Variants in CHCHD3 observed in about 807,000 individuals in gnomAD.
CHCHD3 encodes the protein coiled-coil-helix-coiled-coil-helix domain containing 3.
A neutral mutation model predicts 38.2 loss-of-function variants in CHCHD3; 20 were observed. The ratio of observed to expected loss-of-function variants is 0.52; its 90% CI spans 0.37 to 0.76. The LOEUF is 0.76. Ranked by LOEUF, CHCHD3 falls within the 30% of genes least tolerant of loss-of-function variation. CHCHD3 has a pLI of 0.00. For missense variants in CHCHD3, 245 were observed against 279.2 expected, an observed-to-expected ratio of 0.88 and a Z score of 0.87; for synonymous variants, 82 against 100.0, an observed-to-expected ratio of 0.82 and a Z score of 1.07.
In CHCHD3 at chr7:132,928,743, G is replaced by A. The variant is rs1205544099; in HGVS notation, c.370-42998C>T. Among the ~76,000 whole-genome samples the A allele has an allele frequency of 3.9e-5, 6 of 151,964 alleles. No individual in the cohort carries two copies. The South Asian group carries it at 6.2e-4, about 16-fold the overall frequency. On this transcript the variant is annotated intron_variant, in intron 4 of 7. Transcript: ENST00000262570. ...AATAGACTCAGCATTAACGTAGAAG[G>A]ATACAAAATATCAATAAATCCCTTA...
At chr7:133,029,717 C>T (rs1408379017) in intron 2 of CHCHD3, among the ~76,000 whole-genome samples, 1 of 152,090 alleles carries the variant, frequency 6.6e-6, no homozygotes, top group African/African-American at 2.4e-5. Flanking sequence ...AAAATGCAGA[C>T]TGGAGGCTTG....
intron 3 of CHCHD3, among the ~76,000 whole-genome samples, chr7:132,990,643 C>T (rs184680642): frequency 6.6e-6 from 1 of 152,272 alleles, no homozygotes; most frequent in African/African-American, 2.4e-5. Context: ...ACAAAACATA[C>T]ATCATTTACA....
intron 4 of CHCHD3, among the ~76,000 whole-genome samples, chr7:132,916,108 T>C (rs1810099402): frequency 6.6e-6 from 1 of 152,184 alleles, no homozygotes; most frequent in Non-Finnish European, 1.5e-5. Context: ...TCTGTTTTTC[T>C]AATTATTTCC....
intron 5 of CHCHD3, among the ~76,000 whole-genome samples, chr7:132,840,981 G>C (rs563240507): frequency 2.6e-4 from 39 of 152,072 alleles, no homozygotes; most frequent in African/African-American, 8.7e-4. Flanking sequence ...TTAGCACATA[G>C]TTCTCAAATT....
intron 5 of CHCHD3, among the ~76,000 whole-genome samples, chr7:132,841,936 A>C (rs896686383): frequency 6.6e-6 from 1 of 151,840 alleles, no homozygotes; most frequent in African/African-American, 2.4e-5. Flanking sequence ...TCTCTACTAA[A>C]AATACAAAAA....
At chr7:133,000,207 GT>G (rs1270092889) in intron 3 of CHCHD3, among the ~76,000 whole-genome samples, 2 of 152,200 alleles carry the variant, frequency 1.3e-5, no homozygotes, top group Non-Finnish European at 2.9e-5. Context: ...AATTTCTTCT[GT>G]TAAACCATTT....
chr7:132,883,287 T>C (rs1809117924), intron 5 of CHCHD3, among the ~76,000 whole-genome samples: 1 of 152,240 alleles, frequency 6.6e-6, no homozygotes, highest in Admixed American at 6.5e-5. Context: ...TACTCTGTGC[T>C]ACATACTATT....
At chr7:132,858,362 AC>A (rs1808397136) in intron 5 of CHCHD3, among the ~76,000 whole-genome samples, 2 of 152,018 alleles carry the variant, frequency 1.3e-5, no homozygotes, top group Admixed American at 1.3e-4. Flanking sequence ...TGGCATCTTC[AC>A]TTTTTTCCTC....
chr7:132,848,502 C>G (rs1448198612), intron 5 of CHCHD3, among the ~76,000 whole-genome samples: 1 of 152,158 alleles, frequency 6.6e-6, no homozygotes, highest in Non-Finnish European at 1.5e-5. Flanking sequence ...AGAAGGAGTT[C>G]ATGACTTGTC....
intron 4 of CHCHD3, among the ~76,000 whole-genome samples, chr7:132,894,674 C>T (rs935540204): frequency 6.6e-6 from 1 of 152,190 alleles, no homozygotes; most frequent in African/African-American, 2.4e-5. Context: ...CAAGGAAACA[C>T]TCAGTACACA....
chr7:132,945,341 G>C (rs575504283), intron 4 of CHCHD3, among the ~76,000 whole-genome samples: 222 of 151,932 alleles, frequency 1.5e-3, no homozygotes, highest in African/African-American at 5.1e-3. Context: ...AGTAAGGCAT[G>C]GTATTCCAGA....
intron 1 of CHCHD3, among the ~76,000 whole-genome samples, chr7:133,072,826 A>AC (rs933458361): frequency 1.7e-4 from 5 of 29,704 alleles, no homozygotes; most frequent in African/African-American, 4.0e-4. Flanking sequence ...ACTCCGTCTC[A>AC]AAAAAAAAAA....
intron 5 of CHCHD3, among the ~76,000 whole-genome samples, chr7:132,879,607 C>T (rs996678985): frequency 1.3e-5 from 2 of 151,314 alleles, no homozygotes; most frequent in Non-Finnish European, 2.9e-5. Flanking sequence ...TCCTACCCCT[C>T]GCTTCCCTCC....
intron 2 of CHCHD3, among the ~76,000 whole-genome samples, chr7:133,051,478 T>C (rs1814160952): frequency 6.6e-6 from 1 of 152,178 alleles, no homozygotes; most frequent in African/African-American, 2.4e-5. Context: ...GCCAACAGCA[T>C]TTTTCTACTA....
intron 6 of CHCHD3, chr7:132,815,337 CA>C (rs1360344743): frequency 1.1e-5 from 3 of 264,686 alleles, no homozygotes; most frequent in African/African-American, 6.9e-5. Flanking sequence ...AAAAATGTAC[CA>C]AAGGTTAATA....
At position 132,790,666 on chromosome 7, in the gene CHCHD3, T is replaced by A. The variant is rs893649374; in HGVS notation, c.661-5006A>T. 5.9e-5 allele frequency among the ~76,000 whole-genome samples: 9 copies of A among 152,248 alleles called. No individual in the cohort carries two copies. In the South Asian group the frequency reaches 1.9e-3, roughly 32 times the overall value. ...ATGATAAAGCAGCTTTCGAACACAA[T>A]AAAAACATGCTCCTGGGGGGCTTCC... On this transcript the variant is annotated intron_variant, in intron 7 of 7. Coordinates refer to ENST00000262570, the MANE Select transcript of CHCHD3 (RefSeq NM_017812.4).
At chr7:132,888,159 TA>T (rs933908165) in intron 4 of CHCHD3, among the ~76,000 whole-genome samples, 5 of 151,142 alleles carry the variant, frequency 3.3e-5, no homozygotes, top group Non-Finnish European at 7.4e-5. Context: ...AAAACAAAAA[TA>T]AAAAAACAAA....
Position 133,075,135 on chromosome 7 carries a change from C to T in CHCHD3, c.82-4906G>A, listed in dbSNP as rs148650098. Among the ~76,000 whole-genome samples, 688 of 152,288 alleles carry T rather than the reference C, an allele frequency of 4.5e-3. 15 individuals carry two copies. The highest frequency in any genetic ancestry group is 0.038 in the Admixed American group (583 of 15,292). On this transcript the variant is annotated intron_variant, in intron 1 of 7. Transcript: ENST00000262570. ...TAGAATGTCTCTTTCAACCTAATCACTAATTTCTTGTTAACTTTTTTTTCT... is the reference window on the plus strand; with the variant it reads ...TAGAATGTCTCTTTCAACCTAATCATTAATTTCTTGTTAACTTTTTTTTCT...
intron 2 of CHCHD3, among the ~76,000 whole-genome samples, chr7:133,066,846 T>C (rs1814683826): frequency 6.6e-6 from 1 of 152,128 alleles, no homozygotes; most frequent in Non-Finnish European, 1.5e-5. Flanking sequence ...AACCAACAAT[T>C]ACTTATAGAC....
Sources: allele counts gnomAD v4.1 joint callset (sites outside exome capture counted in the v4.1 genomes callset), GRCh38; gene constraint gnomAD v4.1.1; transcripts MANE v1.5; gene names NCBI Gene and HGNC (gene_info 2026-07-23, HGNC 2026-07-21).